The following LRRC4C variants were observed in gnomAD, a reference collection of about 807,000 sequenced individuals.
The protein encoded by LRRC4C is leucine-rich repeat-containing protein 4C.
In LRRC4C, 5 loss-of-function variants were observed where a neutral mutation model predicts 33.6. The ratio of observed to expected loss-of-function variants is 0.15; its 90% CI spans 0.08 to 0.31. The LOEUF (loss-of-function observed/expected upper bound fraction) is 0.31. Ranked by LOEUF, LRRC4C falls within the 10% of genes least tolerant of loss-of-function variation. The probability of loss-of-function intolerance (pLI) is 1.00; values close to 1 mark genes in which losing one functional copy is unlikely to be tolerated. For missense variants in LRRC4C, 560 were observed against 796.7 expected, an observed-to-expected ratio of 0.70 and a Z score of 3.58; for synonymous variants, 329 against 302.0, an observed-to-expected ratio of 1.09 and a Z score of -0.93.
At chr11:41,362,816 T>C (rs1258651728) in intron 1 of LRRC4C, among the ~76,000 whole-genome samples, 2 of 151,842 alleles carry the variant, frequency 1.3e-5, no homozygotes, top group Non-Finnish European at 2.9e-5. Context: ...TCATAACCCC[T>C]TCCTTCATCT....
chr11:41,324,964 A>G (rs1038307845), intron 1 of LRRC4C, among the ~76,000 whole-genome samples: 6 of 152,226 alleles, frequency 3.9e-5, no homozygotes, highest in Non-Finnish European at 8.8e-5. Flanking sequence ...AGTTTGAAAA[A>G]TCATTTATGT....
chr11:40,370,473 A>C (rs2137254116), intron 3 of LRRC4C, among the ~76,000 whole-genome samples: 1 of 152,318 alleles, frequency 6.6e-6, no homozygotes, highest in East Asian at 1.9e-4. Flanking sequence ...TAAATAAAGT[A>C]ACATAGCAAC....
At chr11:40,469,782 G>A (rs747657660) in intron 3 of LRRC4C, among the ~76,000 whole-genome samples, 14 of 152,164 alleles carry the variant, frequency 9.2e-5, no homozygotes, top group Non-Finnish European at 1.9e-4. Flanking sequence ...TGAACTGGGT[G>A]GAGCCCACCA....
At chr11:41,203,053 TG>T (rs1329634878) in intron 1 of LRRC4C, among the ~76,000 whole-genome samples, 1 of 152,224 alleles carries the variant, frequency 6.6e-6, no homozygotes, top group African/African-American at 2.4e-5. Context: ...CCCAAGGTGC[TG>T]GGATAACAGG....
In LRRC4C at chr11:40,607,893, GGTCCCCAAGACTT is replaced by G. The variant is rs1028836123; in HGVS notation, c.-270+40236_-270+40248del. On this transcript the variant is annotated intron_variant, in intron 3 of 6. Transcript: ENST00000528697. ...ACCCTGCAGTGGGGTTGGTGCCCAC[GGTCCCCAAGACTT>G]GTCTGCCTACATGCTCCCTCTAGGG... 9.9e-5 allele frequency among the ~76,000 whole-genome samples: 15 copies of G among 152,002 alleles called. No individual in the cohort carries two copies. In the East Asian group the frequency reaches 2.9e-3, roughly 30 times the overall value.
rs116662016 is a variant in LRRC4C, at chr11:40,830,523, T to C, written c.-407+103112A>G. ...TTTGAGTGGTAGCCCTCCATTTCTG[T>C]AGAAATTATATACTGAGTTAAACAG... On this transcript the variant is annotated intron_variant, in intron 2 of 6. Coordinates refer to ENST00000528697, the MANE Select transcript of LRRC4C (RefSeq NM_001258419.2). 4.6e-3 allele frequency among the ~76,000 whole-genome samples: 696 copies of C among 152,204 alleles called. 7 individuals carry two copies. Among genetic ancestry groups the C allele is most frequent in the African/African-American group, 0.016 (658 of 41,560 alleles).
At chr11:40,374,263 A>G (rs1479363365) in intron 3 of LRRC4C, among the ~76,000 whole-genome samples, 3 of 152,098 alleles carry the variant, frequency 2.0e-5, no homozygotes, top group African/African-American at 7.2e-5. Flanking sequence ...CTTGTGGTTG[A>G]TATTATTTTA....
At chr11:40,857,029 A>C (rs1953819478) in intron 2 of LRRC4C, among the ~76,000 whole-genome samples, 1 of 152,164 alleles carries the variant, frequency 6.6e-6, no homozygotes, top group Admixed American at 6.5e-5. Context: ...ATGAGGCCTA[A>C]AGACATAGGT....
At chr11:40,367,621 T>C (rs891152801) in intron 3 of LRRC4C, among the ~76,000 whole-genome samples, 4 of 152,080 alleles carry the variant, frequency 2.6e-5, no homozygotes, top group African/African-American at 9.6e-5. Flanking sequence ...TAGAATTCTT[T>C]GGGTGTCTTC....
At chr11:40,353,390 A>G (rs1424165819) in intron 3 of LRRC4C, among the ~76,000 whole-genome samples, 4 of 151,942 alleles carry the variant, frequency 2.6e-5, no homozygotes, top group South Asian at 2.1e-4. Context: ...TTACTATATA[A>G]TTTTTCAGGT....
chr11:41,162,817 A>T (rs1398254060), intron 1 of LRRC4C, among the ~76,000 whole-genome samples: 1 of 152,236 alleles, frequency 6.6e-6, no homozygotes, highest in East Asian at 1.9e-4. Context: ...ATTATTGTAC[A>T]CTACTGTAGA....
chr11:41,418,848 T>G (rs966805388), intron 1 of LRRC4C, among the ~76,000 whole-genome samples: 2 of 151,822 alleles, frequency 1.3e-5, no homozygotes, highest in Non-Finnish European at 2.9e-5. Flanking sequence ...TAATACAGAG[T>G]CTAGAATGCA....
intron 3 of LRRC4C, among the ~76,000 whole-genome samples, chr11:40,538,186 T>C (rs1461803187): frequency 6.6e-6 from 1 of 152,154 alleles, no homozygotes; most frequent in Non-Finnish European, 1.5e-5. Context: ...GATTCTAACA[T>C]GCAACCAAGT....
chr11:40,264,796 C>A (rs1942128761), intron 4 of LRRC4C, among the ~76,000 whole-genome samples: 1 of 152,166 alleles, frequency 6.6e-6, no homozygotes, highest in African/African-American at 2.4e-5. Context: ...GGGGGCCCCT[C>A]CCACATCTTC....
chr11:41,411,122 A>T (rs77173116), intron 1 of LRRC4C, among the ~76,000 whole-genome samples: 4,080 of 123,672 alleles, frequency 0.033, 237 homozygotes, highest in African/African-American at 0.12. Flanking sequence ...TTTAGATGAG[A>T]AACACTTGGT....
chr11:40,617,084 G>T (rs1961934106), intron 3 of LRRC4C, among the ~76,000 whole-genome samples: 1 of 151,684 alleles, frequency 6.6e-6, no homozygotes, highest in Non-Finnish European at 1.5e-5. Flanking sequence ...CCCACATCTA[G>T]GTGAAGACAT....
chr11:40,401,618 C>A (rs540773716), intron 3 of LRRC4C, among the ~76,000 whole-genome samples: 2 of 152,170 alleles, frequency 1.3e-5, no homozygotes, highest in Admixed American at 1.3e-4. Context: ...GGTAGCTCAC[C>A]AAATCTAAAG....
In LRRC4C at chr11:40,764,286, G is replaced by A. The variant is rs149241524; in HGVS notation, c.-406-116008C>T. ...GATGATTCATTTTCTGTTGACTAAG[G>A]AGCCCTTGGTCCTTGAATTAACATC... On this transcript the variant is annotated intron_variant, in intron 2 of 6. Transcript: ENST00000528697. 6.0e-3 allele frequency among the ~76,000 whole-genome samples: 917 copies of A among 152,240 alleles called. 5 individuals carry two copies. Among genetic ancestry groups the A allele is most frequent in the Non-Finnish European group, 9.8e-3 (669 of 68,004 alleles).
intron 5 of LRRC4C, among the ~76,000 whole-genome samples, chr11:40,150,387 C>A (rs780491320): frequency 6.6e-6 from 1 of 152,082 alleles, no homozygotes; most frequent in South Asian, 2.1e-4. Flanking sequence ...AAAGCAATTT[C>A]TTTGTATTCT....
Sources: allele counts gnomAD v4.1 joint callset (sites outside exome capture counted in the v4.1 genomes callset), GRCh38; gene constraint gnomAD v4.1.1; transcripts MANE v1.5; gene names NCBI Gene and HGNC (gene_info 2026-07-23, HGNC 2026-07-21).